CD84: variants seen among roughly 807,000 people sequenced by gnomAD.
CD84 encodes SLAM family member 5.
In CD84, 22 loss-of-function variants were observed where a neutral mutation model predicts 33.8. The ratio of observed to expected loss-of-function variants is 0.65; its 90% CI spans 0.46 to 0.93. The LOEUF is 0.93. CD84 is among the 40% of genes least tolerant of loss of function. The pLI is 0.00. For synonymous variants in CD84, 154 were observed against 145.2 expected, an observed-to-expected ratio of 1.06 and a Z score of -0.44; for missense variants, 400 against 397.6, an observed-to-expected ratio of 1.01 and a Z score of -0.05.
At chr1:160,553,131 T>C in intron 4 of CD84, 1 of 633,732 alleles carries the variant, frequency 1.6e-6, no homozygotes, top group South Asian at 1.8e-5. Context: ...TTCATGTATG[T>C]ACTAAGCTCG....
Position 160,548,282 on chromosome 1 carries a change from T to C in CD84, c.961A>G (p.Thr321Ala). The C allele has an allele frequency of 5.0e-6, 8 of 1,614,144 alleles. No homozygotes were observed. Among genetic ancestry groups the C allele is most frequent in the Non-Finnish European group, 6.8e-6 (8 of 1,180,012 alleles). ...ASTQDSKPPG[T>A]SSYEIVI ...TAGATCACAATTTCATAGCTTGAAG[T>C]CCCAGGAGGTTTACTGTCCTGTGTG... Residue 321 changes from threonine (T) to alanine (A), a missense_variant, in exon 7 of 7, where the codon ACT becomes GCT. Thr to Ala is a moderately conservative substitution (Grantham distance 58, BLOSUM62 0). Transcript: ENST00000368054.
Position 160,579,378 on chromosome 1 carries a change from G to T in CD84, c.46+14C>A. ...TGGAAAACTAGGAGGCGATCAGCAA[G>T]GGTCAGAACTCACAGGTTTGCAGGC... On this transcript the variant is annotated intron_variant, in intron 1 of 6. Coordinates refer to ENST00000368054, the MANE Select transcript of CD84 (RefSeq NM_003874.4). The T allele has an allele frequency of 6.2e-7, 1 of 1,613,056 alleles. No homozygotes were observed. The highest frequency in any genetic ancestry group is 8.5e-7 in the Non-Finnish European group (1 of 1,179,316).
rs34031902 is a variant in CD84 at position 160,544,145 on chromosome 1, C to CTTTTTTT, written c.*4104_*4110dup. The stretch of plus-strand genomic sequence containing the variant: ...CCTCTTATTGTCTTTGTTCTTCAAA[C>CTTTTTTT]TTTTTTTTTTTTTTTTTTTTTTGAG... On this transcript the variant is annotated 3_prime_UTR_variant, in exon 7 of 7. Transcript: ENST00000368054. 2 of 90,140 alleles carry CTTTTTTT rather than the reference C, an allele frequency of 2.2e-5. No individual in the cohort carries two copies. Among genetic ancestry groups the CTTTTTTT allele is most frequent in the Non-Finnish European group, 4.4e-5 (2 of 45,588 alleles). 5.6% of individuals were successfully genotyped at this position (90,140 alleles called of 1,614,324 possible).
chr1:160,563,710 C>T lies in CD84; in HGVS notation c.388+1694G>A, dbSNP rs57101481. 9.0e-3 allele frequency among the ~76,000 whole-genome samples: 1,364 copies of T among 152,182 alleles called. 27 individuals are homozygous for T. Among genetic ancestry groups the T allele is most frequent in the African/African-American group, 0.031 (1,296 of 41,496 alleles). ...GGCACACATTTACCTATGTAACAAACTTTGACATCCTGCACATGTACCCCT... is the reference window on the plus strand; with the variant it reads ...GGCACACATTTACCTATGTAACAAATTTTGACATCCTGCACATGTACCCCT... On this transcript the variant is annotated intron_variant, in intron 2 of 6. Coordinates refer to ENST00000368054, the MANE Select transcript of CD84 (RefSeq NM_003874.4).
chr1:160,553,163 A>T, intron 4 of CD84: 1 of 748,078 alleles, frequency 1.3e-6, no homozygotes. Flanking sequence ...TGGGCCCACC[A>T]GCTACTGGTG....
At chr1:160,555,206 G>A (rs1210690299) in intron 2 of CD84, among the ~76,000 whole-genome samples, 6 of 150,746 alleles carry the variant, frequency 4.0e-5, no homozygotes, top group Non-Finnish European at 7.4e-5. Context: ...TCAGCCTCCC[G>A]AGGAGTAGCT....
At chr1:160,567,507 T>C (rs541368761) in intron 1 of CD84, among the ~76,000 whole-genome samples, 2 of 152,202 alleles carry the variant, frequency 1.3e-5, no homozygotes, top group African/African-American at 4.8e-5. Flanking sequence ...AGGGGGAAAT[T>C]GGGAACCCTT....
At chr1:160,572,779 G>A (rs548441129) in intron 1 of CD84, among the ~76,000 whole-genome samples, 1 of 152,312 alleles carries the variant, frequency 6.6e-6, no homozygotes, top group Non-Finnish European at 1.5e-5. Context: ...CATACCTCTA[G>A]AGGAGAAGCA....
chr1:160,547,051 T>G lies in CD84; in HGVS notation c.*1205A>C. On this transcript the variant is annotated 3_prime_UTR_variant, in exon 7 of 7. Coordinates refer to ENST00000368054, the MANE Select transcript of CD84 (RefSeq NM_003874.4). ...GGAAACACTTCCTTAAATGATCATA[T>G]GAATGTCTTGCTCAGTTGTGAATGA... 2.5e-6 allele frequency: 1 copy of G among 398,678 alleles called. No individual in the cohort carries two copies. The highest frequency in any genetic ancestry group is 4.4e-6 in the Non-Finnish European group (1 of 226,038). 24.7% of individuals were successfully genotyped at this position (398,678 alleles called of 1,614,324 possible).
intron 2 of CD84, among the ~76,000 whole-genome samples, chr1:160,558,931 A>G (rs950826797): frequency 1.3e-5 from 2 of 152,200 alleles, no homozygotes; most frequent in African/African-American, 4.8e-5. Context: ...AAGAAAAAAG[A>G]AAAAAGAATG....
At chr1:160,553,270 C>A (rs1656359400) in intron 4 of CD84, 108 bp downstream of exon 4, 2 of 1,583,668 alleles carry the variant, frequency 1.3e-6, no homozygotes, top group Non-Finnish European at 8.6e-7. Flanking sequence ...CGGAAAAAGG[C>A]AGATTCCCTG....
chr1:160,565,379 A>C, intron 2 of CD84, 25 bp downstream of exon 2: 1 of 1,526,882 alleles, frequency 6.5e-7, no homozygotes, highest in East Asian at 2.3e-5. Flanking sequence ...ATAAAACACA[A>C]GCTCTCCGTC....
Position 160,579,434 on chromosome 1 carries a change from C to T in CD84, c.4G>A (p.Ala2Thr). The T allele has an allele frequency of 6.2e-7, 1 of 1,613,120 alleles. No individual in the cohort carries two copies. Among genetic ancestry groups the T allele is most frequent in the South Asian group, 1.1e-5 (1 of 91,032 alleles). The change falls in exon 1 of 7, where the codon GCT becomes ACT. Residue 2 changes from alanine (A) to threonine (T), a missense_variant. Physicochemically the swap from Ala to Thr is moderately conservative, Grantham distance 58 (BLOSUM62 0). Coordinates refer to ENST00000368054, the MANE Select transcript of CD84 (RefSeq NM_003874.4). ...AGCAAGATCCATAGGTGGTGCTGAG[C>T]CATCTCTTTCAGGGTCTAACCTTCT... is the stretch of plus-strand genomic sequence containing the variant. M[A>T]QHHLWILLLC...
intron 2 of CD84, among the ~76,000 whole-genome samples, chr1:160,564,465 A>C (rs1007227860): frequency 9.2e-5 from 14 of 152,238 alleles, no homozygotes; most frequent in African/African-American, 2.9e-4. Context: ...GTACACATAT[A>C]TTCACAGCAG....
Position 160,547,261 on chromosome 1 carries a change from G to A in CD84, c.*995C>T. The A allele has an allele frequency of 1.0e-5, 4 of 398,450 alleles. No homozygotes were observed. The highest frequency in any genetic ancestry group is 1.8e-5 in the Non-Finnish European group (4 of 226,018). The allele number at this position is 398,450 out of a possible 1,614,324, so 24.7% of individuals were successfully genotyped here. ...CAAGTTCCTTCTGGAGAATGACTCT[G>A]CTTCTTGCAAGGTCTTCTATTTTGA... On this transcript the variant is annotated 3_prime_UTR_variant, in exon 7 of 7. Transcript: ENST00000368054.
intron 1 of CD84, among the ~76,000 whole-genome samples, chr1:160,572,205 G>T (rs532344491): frequency 6.6e-6 from 1 of 152,188 alleles, no homozygotes; most frequent in East Asian, 1.9e-4. Flanking sequence ...TTATAGAATT[G>T]TTTTGAGGAC....
In CD84 at chr1:160,565,578, G is replaced by A. The variant is rs781574235; in HGVS notation, c.214C>T (p.Pro72Ser). 9 of 1,613,970 alleles carry A rather than the reference G, an allele frequency of 5.6e-6. No homozygotes were observed. Among genetic ancestry groups the A allele is most frequent in the Non-Finnish European group, 7.6e-6 (9 of 1,179,916 alleles). ...YVTPGDSETA[P>S]VVTVTHRNYY... The stretch of plus-strand genomic sequence containing the variant: ...TTTCTGTGGGTCACAGTAACTACGG[G>A]TGCTGTTTCTGAGTCTCCTGGTGTT... Residue 72 changes from proline to serine, a missense_variant, in exon 2 of 7, where the codon CCC (proline) becomes TCC (serine). Transcript: ENST00000368054.
At chr1:160,555,989 A>G (rs1019576007) in intron 2 of CD84, among the ~76,000 whole-genome samples, 1 of 152,206 alleles carries the variant, frequency 6.6e-6, no homozygotes, top group Non-Finnish European at 1.5e-5. Flanking sequence ...ACAGACCTGG[A>G]TTAACTATAA....
rs1216445825 is a variant in CD84, at chr1:160,543,497, G to A, written c.*4759C>T. The A allele has an allele frequency of 6.6e-6, 1 of 152,016 alleles. No homozygotes were observed. The highest frequency in any genetic ancestry group is 1.5e-5 in the Non-Finnish European group (1 of 67,988). The allele number at this position is 152,016 out of a possible 1,614,324, so 9.4% of individuals were successfully genotyped here. The stretch of plus-strand genomic sequence containing the variant: ...TTTCTACTTTACAAGGCTGTCATGA[G>A]TATTGACAACAATGTATGAAGCATC... On this transcript the variant is annotated 3_prime_UTR_variant, in exon 7 of 7. Transcript: ENST00000368054.
Sources: gnomAD v4.1 joint callset for allele counts (sites outside exome capture counted in the v4.1 genomes callset) on GRCh38, gnomAD v4.1.1 for gene constraint, MANE v1.5 for transcripts, NCBI Gene and HGNC (gene_info 2026-07-23, HGNC 2026-07-21) for gene names.